SENP7: variants seen among roughly 807,000 people sequenced by gnomAD.
SENP7 encodes the protein SUMO specific peptidase 7, also known as sentrin-specific protease 7.
A neutral mutation model predicts 141.2 loss-of-function variants in SENP7; 64 were observed. That is an observed-to-expected ratio of 0.45 (90% CI 0.37 to 0.56). The LOEUF (loss-of-function observed/expected upper bound fraction) is 0.56, where lower values mean the gene tolerates loss of function less well. Among genes scored for constraint, SENP7 ranks in the 20% least tolerant of loss-of-function variants. SENP7 has a pLI of 0.00. For synonymous variants in SENP7, 382 were observed against 426.4 expected (o/e 0.90, Z 1.28); for missense variants, 1,025 against 1,212.2 (o/e 0.85, Z 2.29).
chr3:101,338,486 G>C (rs1160312617), intron 16 of SENP7, among the ~76,000 whole-genome samples: 1 of 152,152 alleles, frequency 6.6e-6, no homozygotes, highest in Non-Finnish European at 1.5e-5. Flanking sequence ...TTCATGATTA[G>C]AAAACTCTGC....
intron 3 of SENP7, among the ~76,000 whole-genome samples, chr3:101,474,671 T>C (rs1830233): frequency 0.4 from 60,005 of 151,550 alleles, 12,341 homozygotes; most frequent in Admixed American, 0.53. Flanking sequence ...TCCCTTTATT[T>C]CTTTCTCTTA....
chr3:101,508,474 C>A (rs1469303696), intron 1 of SENP7, among the ~76,000 whole-genome samples: 1 of 152,080 alleles, frequency 6.6e-6, no homozygotes, highest in East Asian at 1.9e-4. Context: ...TGGCGGGCTC[C>A]TGTAGTCCCA....
chr3:101,453,888 A>C (rs1576402823), intron 4 of SENP7, among the ~76,000 whole-genome samples: 1 of 152,102 alleles, frequency 6.6e-6, no homozygotes, highest in Admixed American at 6.6e-5. Context: ...AAAAAAAAAA[A>C]CAAATGACCA....
At chr3:101,449,873 C>A (rs1309027698) in intron 4 of SENP7, among the ~76,000 whole-genome samples, 1 of 152,110 alleles carries the variant, frequency 6.6e-6, no homozygotes, top group Non-Finnish European at 1.5e-5. Flanking sequence ...ACAATATTAA[C>A]CTTAAATGTA....
At chr3:101,448,881 A>T (rs1011941987) in intron 4 of SENP7, among the ~76,000 whole-genome samples, 2 of 152,198 alleles carry the variant, frequency 1.3e-5, no homozygotes. Flanking sequence ...ACAGAGAATG[A>T]CTTTGACGAG....
chr3:101,446,691 G>A (rs561957555), intron 4 of SENP7, among the ~76,000 whole-genome samples: 37 of 151,954 alleles, frequency 2.4e-4, no homozygotes, highest in South Asian at 1.7e-3. Flanking sequence ...GAAATTAAAA[G>A]AAAAAAATTT....
chr3:101,416,177 C>T (rs190374392), intron 5 of SENP7, among the ~76,000 whole-genome samples: 2 of 152,286 alleles, frequency 1.3e-5, no homozygotes, highest in Admixed American at 6.5e-5. Context: ...GTAGCTCACC[C>T]ACTAACTGAA....
intron 4 of SENP7, among the ~76,000 whole-genome samples, chr3:101,441,495 TAC>T (rs964339510): frequency 9.9e-5 from 15 of 152,072 alleles, no homozygotes; most frequent in Admixed American, 3.9e-4. Flanking sequence ...CCACAGCCCA[TAC>T]ACACTGTCAA....
At chr3:101,486,214 G>A (rs550379510) in intron 3 of SENP7, among the ~76,000 whole-genome samples, 1 of 152,014 alleles carries the variant, frequency 6.6e-6, no homozygotes, top group South Asian at 2.1e-4. Context: ...AACTTCCCTG[G>A]CCTTGCTAGA....
At chr3:101,470,328 T>C (rs746268494) in intron 3 of SENP7, among the ~76,000 whole-genome samples, 1 of 152,198 alleles carries the variant, frequency 6.6e-6, no homozygotes, top group African/African-American at 2.4e-5. Context: ...GCTTCATCCC[T>C]GGCATGCAAA....
chr3:101,443,643 T>C (rs1243744959), intron 4 of SENP7, among the ~76,000 whole-genome samples: 1 of 151,210 alleles, frequency 6.6e-6, no homozygotes, highest in East Asian at 1.9e-4. Context: ...TGGTTTGTAG[T>C]TCTCCTTGAA....
At chr3:101,405,557 A>C (rs902114939) in intron 5 of SENP7, among the ~76,000 whole-genome samples, 1 of 152,216 alleles carries the variant, frequency 6.6e-6, no homozygotes, top group South Asian at 2.1e-4. Flanking sequence ...GCTCACCAGC[A>C]ATGGACTCAA....
chr3:101,406,783 G>T (rs1424345504), intron 5 of SENP7, among the ~76,000 whole-genome samples: 4 of 152,090 alleles, frequency 2.6e-5, no homozygotes, highest in Non-Finnish European at 5.9e-5. Context: ...GTTATCTAAA[G>T]TTAATATGAA....
Position 101,414,706 on chromosome 3 carries a change from T to A in SENP7, c.482+2887A>T, listed in dbSNP as rs1184328943. 4 of 894,372 alleles carry A rather than the reference T, an allele frequency of 4.5e-6. No individual in the cohort carries two copies. In the Admixed American group the frequency reaches 8.0e-5, roughly 18 times the overall value. The allele number at this position is 894,372 out of a possible 1,614,324, so 55.4% of individuals were successfully genotyped here. A position where few individuals can be genotyped will look rare whatever the true frequency, so the allele number is the denominator to read the frequency against. Reference sequence around the variant, plus strand: ...TATAAGGCATTTGGGAACTTTAGTATTTTAAGCAAAGTTTATGAATGAAGA... The same window carrying A: ...TATAAGGCATTTGGGAACTTTAGTAATTTAAGCAAAGTTTATGAATGAAGA... On this transcript the variant is annotated intron_variant, in intron 5 of 23. Transcript: ENST00000394095.
chr3:101,371,955 TTA>T (rs2060193346), intron 7 of SENP7, 51 bp downstream of exon 7: 1 of 671,056 alleles, frequency 1.5e-6, no homozygotes, highest in Admixed American at 3.0e-5. Context: ...AAAATTATTA[TTA>T]ATACAATAAG....
At chr3:101,350,942 T>C (rs923821937) in intron 12 of SENP7, among the ~76,000 whole-genome samples, 9 of 152,174 alleles carry the variant, frequency 5.9e-5, no homozygotes, top group Admixed American at 1.3e-4. Flanking sequence ...GTACATAAAG[T>C]ATCTGTGGAA....
chr3:101,409,488 A>G (rs750635168), intron 5 of SENP7, among the ~76,000 whole-genome samples: 1 of 152,208 alleles, frequency 6.6e-6, no homozygotes, highest in Non-Finnish European at 1.5e-5. Context: ...CCAAAGCAAG[A>G]CTAAGCAAAG....
At chr3:101,405,449 C>T (rs555861419) in intron 5 of SENP7, among the ~76,000 whole-genome samples, 5 of 152,210 alleles carry the variant, frequency 3.3e-5, no homozygotes, top group African/African-American at 1.2e-4. Flanking sequence ...CAGCCCTAGA[C>T]CTTCCCTCTG....
At chr3:101,349,941 C>T (rs554493159) in intron 12 of SENP7, among the ~76,000 whole-genome samples, 25 of 152,022 alleles carry the variant, frequency 1.6e-4, no homozygotes, top group Non-Finnish European at 2.8e-4. Flanking sequence ...CCTTTACAAA[C>T]GGGTGTGTGG....
Sources: allele counts gnomAD v4.1 joint callset (sites outside exome capture counted in the v4.1 genomes callset), GRCh38; gene constraint gnomAD v4.1.1; transcripts MANE v1.5; gene names NCBI Gene and HGNC (gene_info 2026-07-23, HGNC 2026-07-21).